Variants in OPCML observed in about 807,000 individuals in gnomAD.
OPCML encodes opioid-binding protein/cell adhesion molecule.
In OPCML, 13 loss-of-function variants were observed where a neutral mutation model predicts 37.8. The observed-to-expected ratio is 0.34, with a 90% CI of 0.22 to 0.55. The LOEUF (loss-of-function observed/expected upper bound fraction) is 0.55, where lower values mean the gene tolerates loss of function less well. Among genes scored for constraint, OPCML ranks in the 20% least tolerant of loss-of-function variants. The probability of loss-of-function intolerance (pLI) is 0.91; values close to 1 mark genes in which losing one functional copy is unlikely to be tolerated. For missense variants in OPCML, 341 were observed against 435.6 expected (o/e 0.78, Z 1.93); for synonymous variants, 176 against 168.8 (o/e 1.04, Z -0.33).
At chr11:133,421,620 AGGCTCAGTCATTC>A in intron 1 of OPCML, 1 of 985,468 alleles carries the variant, frequency 1.0e-6, no homozygotes, top group Non-Finnish European at 1.2e-6. Context: ...TTGAATGTTA[AGGCTCAGTCATTC>A]ACTCTTATTT....
At position 133,075,151 on chromosome 11, in the gene OPCML, C is replaced by G. The variant is rs188704623; in HGVS notation, c.62-132141G>C. 3.4e-3 allele frequency among the ~76,000 whole-genome samples: 515 copies of G among 152,298 alleles called. 1 individual carries two copies. Among genetic ancestry groups the G allele is most frequent in the African/African-American group, 0.011 (468 of 41,554 alleles). Reference sequence around the variant, plus strand: ...ACAAGGCTCACCTCCTCCCCATACCCCCTTTCTTAAAGTAGCTGCAAGAGT... The same window carrying G: ...ACAAGGCTCACCTCCTCCCCATACCGCCTTTCTTAAAGTAGCTGCAAGAGT... On this transcript the variant is annotated intron_variant, in intron 1 of 7. Transcript: ENST00000524381.
intron 1 of OPCML, among the ~76,000 whole-genome samples, chr11:133,039,680 C>T (rs1947849233): frequency 1.3e-5 from 2 of 152,072 alleles, no homozygotes; most frequent in East Asian, 3.9e-4. Flanking sequence ...TCCTTCTTGG[C>T]AGTCATGGGT....
At chr11:133,042,052 G>A (rs757204693) in intron 1 of OPCML, among the ~76,000 whole-genome samples, 2 of 152,138 alleles carry the variant, frequency 1.3e-5, no homozygotes, top group Non-Finnish European at 2.9e-5. Context: ...GGGGGTGGGG[G>A]GAGCCTGCTT....
At chr11:133,507,247 G>GA (rs1171354792) in intron 1 of OPCML, among the ~76,000 whole-genome samples, 2 of 152,206 alleles carry the variant, frequency 1.3e-5, no homozygotes, top group Non-Finnish European at 2.9e-5. Flanking sequence ...TCAAAGGGGA[G>GA]AACTCCAGCT....
intron 1 of OPCML, among the ~76,000 whole-genome samples, chr11:133,240,815 G>A (rs1940702219): frequency 6.6e-6 from 1 of 152,068 alleles, no homozygotes; most frequent in East Asian, 1.9e-4. Context: ...CAAATCGTTA[G>A]ACTTAATTTC....
At chr11:132,585,789 T>C (rs1329832416) in intron 3 of OPCML, among the ~76,000 whole-genome samples, 1 of 152,180 alleles carries the variant, frequency 6.6e-6, no homozygotes, top group Non-Finnish European at 1.5e-5. Flanking sequence ...AAACTTACCA[T>C]CTCTTGCCCA....
chr11:132,861,608 G>A (rs1942303594), intron 2 of OPCML, among the ~76,000 whole-genome samples: 1 of 152,120 alleles, frequency 6.6e-6, no homozygotes, highest in South Asian at 2.1e-4. Context: ...AGGCCGAAGT[G>A]GGTGAATCAC....
At chr11:133,169,128 CA>C (rs1379519839) in intron 1 of OPCML, among the ~76,000 whole-genome samples, 1 of 152,072 alleles carries the variant, frequency 6.6e-6, no homozygotes, top group Admixed American at 6.6e-5. Context: ...GACTCCATCT[CA>C]AAAAATAAAT....
intron 1 of OPCML, among the ~76,000 whole-genome samples, chr11:133,092,554 T>C (rs567482631): frequency 6.6e-6 from 1 of 151,868 alleles, no homozygotes; most frequent in Non-Finnish European, 1.5e-5. Flanking sequence ...GTGAAACCCC[T>C]GTCTCTACTA....
intron 2 of OPCML, among the ~76,000 whole-genome samples, chr11:132,881,867 C>T (rs769668220): frequency 1.3e-5 from 2 of 152,236 alleles, no homozygotes; most frequent in Non-Finnish European, 2.9e-5. Context: ...TTTCCCCCTT[C>T]TCCAGATCTG....
chr11:133,131,502 T>C (rs927380562), intron 1 of OPCML, among the ~76,000 whole-genome samples: 1 of 152,150 alleles, frequency 6.6e-6, no homozygotes, highest in African/African-American at 2.4e-5. Flanking sequence ...CAATTAAAAA[T>C]AGTGACAACC....
chr11:133,326,541 G>C (rs1943463153), intron 1 of OPCML, among the ~76,000 whole-genome samples: 1 of 147,392 alleles, frequency 6.8e-6, no homozygotes, highest in Non-Finnish European at 1.5e-5. Context: ...TGTGGGGGGA[G>C]TGGGTGTGGG....
intron 3 of OPCML, among the ~76,000 whole-genome samples, chr11:132,606,818 G>A (rs1260538669): frequency 1.3e-5 from 2 of 152,150 alleles, no homozygotes; most frequent in African/African-American, 2.4e-5. Context: ...CCATGGACTT[G>A]GGGCTGGAAT....
At chr11:132,811,128 G>A (rs1310222727) in intron 2 of OPCML, among the ~76,000 whole-genome samples, 2 of 152,032 alleles carry the variant, frequency 1.3e-5, no homozygotes, top group African/African-American at 4.8e-5. Flanking sequence ...CTTGCAAAGG[G>A]TTTAGTATCT....
chr11:133,271,411 C>T (rs1941827623), intron 1 of OPCML, among the ~76,000 whole-genome samples: 1 of 152,176 alleles, frequency 6.6e-6, no homozygotes, highest in African/African-American at 2.4e-5. Flanking sequence ...AAACTGAAAA[C>T]ATGAAGGTAG....
intron 4 of OPCML, among the ~76,000 whole-genome samples, chr11:132,442,064 G>C (rs970348856): frequency 7.9e-5 from 12 of 152,228 alleles, no homozygotes; most frequent in African/African-American, 2.9e-4. Context: ...TCACATCCAG[G>C]ATGAGCGAGG....
chr11:133,359,678 C>A (rs998826152), intron 1 of OPCML, among the ~76,000 whole-genome samples: 1 of 152,168 alleles, frequency 6.6e-6, no homozygotes, highest in Non-Finnish European at 1.5e-5. Context: ...TGTCCCTCAG[C>A]TGCCCATGGT....
chr11:132,763,066 G>A (rs1299383042), intron 2 of OPCML, among the ~76,000 whole-genome samples: 1 of 152,112 alleles, frequency 6.6e-6, no homozygotes, highest in Non-Finnish European at 1.5e-5. Flanking sequence ...GGCTAGGGGA[G>A]GGAGTTCCCT....
At chr11:132,532,979 T>A (rs1164480687) in intron 3 of OPCML, among the ~76,000 whole-genome samples, 1 of 152,238 alleles carries the variant, frequency 6.6e-6, no homozygotes, top group African/African-American at 2.4e-5. Context: ...TTTTGGCAGA[T>A]CTTTGTTTAA....
Sources: gnomAD v4.1 joint callset for allele counts (sites outside exome capture counted in the v4.1 genomes callset) on GRCh38, gnomAD v4.1.1 for gene constraint, MANE v1.5 for transcripts, NCBI Gene and HGNC (gene_info 2026-07-23, HGNC 2026-07-21) for gene names.